The following NCAM2 variants were observed in gnomAD, a reference collection of about 807,000 sequenced individuals.
NCAM2 encodes N-CAM-2.
A neutral mutation model predicts 98.1 loss-of-function variants in NCAM2; 30 were observed. That is an observed-to-expected ratio of 0.31 (90% CI 0.23 to 0.41). The LOEUF (loss-of-function observed/expected upper bound fraction) is 0.41. Ranked by LOEUF, NCAM2 falls within the 10% of genes least tolerant of loss-of-function variation. The probability of loss-of-function intolerance (pLI) is 1.00; values close to 1 mark genes in which losing one functional copy is unlikely to be tolerated. For synonymous variants in NCAM2, 368 were observed against 342.4 expected (o/e 1.07, Z -0.83); for missense variants, 867 against 1,005.8 (o/e 0.86, Z 1.87).
At chr21:21,280,803 AC>A (rs1377237375) in intron 2 of NCAM2, 151 bp downstream of exon 2, 2 of 560,500 alleles carry the variant, frequency 3.6e-6, no homozygotes, top group Admixed American at 7.5e-5. Context: ...TGTTTTTGAG[AC>A]AGAGCCTCGC....
chr21:21,465,985 C>T (rs542295987), intron 12 of NCAM2, among the ~76,000 whole-genome samples: 14 of 152,070 alleles, frequency 9.2e-5, no homozygotes, highest in African/African-American at 3.1e-4. Context: ...TCATATTCTT[C>T]CTTAGTGTCT....
intron 15 of NCAM2, among the ~76,000 whole-genome samples, chr21:21,505,872 C>T (rs1458767791): frequency 6.6e-6 from 1 of 151,832 alleles, no homozygotes; most frequent in Non-Finnish European, 1.5e-5. Flanking sequence ...TCTCAACAAA[C>T]TTGTGACCTA....
At chr21:21,421,329 G>A (rs2077106128) in intron 11 of NCAM2, among the ~76,000 whole-genome samples, 1 of 97,680 alleles carries the variant, frequency 1.0e-5, no homozygotes, top group South Asian at 4.4e-4. Flanking sequence ...GTTTTCTTCT[G>A]TCCAAACATA....
intron 1 of NCAM2, among the ~76,000 whole-genome samples, chr21:21,001,932 G>A (rs1296736616): frequency 2.6e-5 from 4 of 152,140 alleles, no homozygotes; most frequent in Non-Finnish European, 5.9e-5. Context: ...ACAGGTGTGT[G>A]AGTGTCTACT....
chr21:21,461,186 A>C (rs2146192036), intron 12 of NCAM2, among the ~76,000 whole-genome samples: 1 of 152,052 alleles, frequency 6.6e-6, no homozygotes, highest in Non-Finnish European at 1.5e-5. Flanking sequence ...TTCTTGCATA[A>C]ATAATTTTAC....
At chr21:21,442,282 G>A (rs1014704489) in intron 12 of NCAM2, among the ~76,000 whole-genome samples, 50 of 152,264 alleles carry the variant, frequency 3.3e-4, no homozygotes, top group Admixed American at 9.2e-4. Context: ...GTTGAGGAGG[G>A]ATGGGAAGAA....
intron 1 of NCAM2, among the ~76,000 whole-genome samples, chr21:21,276,565 A>G (rs902761085): frequency 3.3e-5 from 5 of 152,054 alleles, no homozygotes; most frequent in Non-Finnish European, 5.9e-5. Context: ...TGACATTAGG[A>G]AACAATTTAG....
intron 12 of NCAM2, among the ~76,000 whole-genome samples, chr21:21,448,555 T>C (rs999041009): frequency 1.8e-4 from 27 of 152,150 alleles, no homozygotes; most frequent in Non-Finnish European, 3.4e-4. Context: ...AATCAGTATT[T>C]GGTCTTAGCT....
At chr21:21,535,835 A>G (rs139210236) in intron 17 of NCAM2, among the ~76,000 whole-genome samples, 2 of 152,256 alleles carry the variant, frequency 1.3e-5, no homozygotes, top group African/African-American at 4.8e-5. Context: ...ACCAATATAA[A>G]ATAATATGAT....
At chr21:21,529,754 C>G (rs986057301) in intron 16 of NCAM2, among the ~76,000 whole-genome samples, 1 of 151,808 alleles carries the variant, frequency 6.6e-6, no homozygotes, top group African/African-American at 2.4e-5. Flanking sequence ...GAAACTCTCT[C>G]TCTCTCTGTG....
In NCAM2 at chr21:21,292,106, C is replaced by G. The variant is rs766008654; in HGVS notation, c.484C>G (p.Arg162Gly). Residue 162 changes from arginine to glycine, a missense_variant and splice_region_variant, in exon 5 of 18, where the codon CGG becomes GGG. Arg to Gly is a moderately radical substitution (Grantham distance 125). Around this residue, in one of 5 missense-constraint regions of NCAM2, gnomAD observed 447 missense variants for 495.7 expected, o/e 0.90. Coordinates refer to ENST00000400546, the MANE Select transcript of NCAM2 (RefSeq NM_004540.5). ...TCTCCCCTTTGCTTTCTTTCCAGAT[C>G]GGTTCGCTATGTTAGCAAACAATAA... ...NEEVTTISDN[R>G]FAMLANNNLQ... 2 of 1,607,598 alleles carry G rather than the reference C, an allele frequency of 1.2e-6. No homozygotes were observed. Among genetic ancestry groups the G allele is most frequent in the East Asian group, 2.2e-5 (1 of 44,590 alleles).
intron 1 of NCAM2, among the ~76,000 whole-genome samples, chr21:21,251,321 T>A (rs2147287970): frequency 6.6e-6 from 1 of 151,436 alleles, no homozygotes; most frequent in African/African-American, 2.4e-5. Context: ...CTCCCTCTCC[T>A]TGCCCCCCAC....
intron 1 of NCAM2, among the ~76,000 whole-genome samples, chr21:21,027,938 C>T (rs914745896): frequency 1.3e-5 from 2 of 151,480 alleles, no homozygotes; most frequent in African/African-American, 4.9e-5. Context: ...CTCGCTGCAA[C>T]CTCCGCCTCC....
chr21:21,032,876 C>T (rs567944834), intron 1 of NCAM2, among the ~76,000 whole-genome samples: 2 of 152,012 alleles, frequency 1.3e-5, no homozygotes, highest in East Asian at 1.9e-4. Context: ...CATACTTTAG[C>T]AAAATACTCT....
intron 4 of NCAM2, 87 bp from the exon 5 acceptor site, chr21:21,292,017 C>T: frequency 8.0e-7 from 1 of 1,242,446 alleles, no homozygotes; most frequent in South Asian, 1.8e-5. Flanking sequence ...TCAGACAGTG[C>T]CATATTTTAA....
chr21:21,296,153 A>G (rs1056824797), intron 5 of NCAM2, among the ~76,000 whole-genome samples: 5 of 151,852 alleles, frequency 3.3e-5, no homozygotes, highest in Non-Finnish European at 7.4e-5. Context: ...AGACACTTAG[A>G]GTTGTAGCTC....
chr21:21,002,601 T>A (rs991190071), intron 1 of NCAM2, among the ~76,000 whole-genome samples: 1 of 152,132 alleles, frequency 6.6e-6, no homozygotes, highest in Non-Finnish European at 1.5e-5. Flanking sequence ...ATTCTCTGTC[T>A]TTTAACATTT....
intron 12 of NCAM2, among the ~76,000 whole-genome samples, chr21:21,437,540 C>G (rs7278001): frequency 0.32 from 48,180 of 149,688 alleles, 8,107 homozygotes; most frequent in African/African-American, 0.43. Flanking sequence ...AGGATATTAA[C>G]GGTCCCGGTT....
chr21:21,262,803 G>C (rs374853392), intron 1 of NCAM2, among the ~76,000 whole-genome samples: 5 of 152,028 alleles, frequency 3.3e-5, no homozygotes, highest in East Asian at 3.9e-4. Flanking sequence ...ACAGTTCCAC[G>C]TGGCTGGGGA....
Sources: allele counts gnomAD v4.1 joint callset (sites outside exome capture counted in the v4.1 genomes callset), GRCh38; gene constraint gnomAD v4.1.1; regional missense constraint gnomAD v4.1.1; transcripts MANE v1.5; gene names NCBI Gene and HGNC (gene_info 2026-07-23, HGNC 2026-07-21).